The following MYOCD variants were observed in gnomAD, a reference collection of about 807,000 sequenced individuals.
MYOCD encodes the protein myocardin.
MYOCD carries 32 observed loss-of-function variants against 96.1 expected under a neutral mutation model. The observed-to-expected ratio is 0.33, with a 90% confidence interval of 0.25 to 0.45. The LOEUF is 0.45. MYOCD is among the 20% of genes least tolerant of loss of function. MYOCD has a pLI of 1.00. For synonymous variants in MYOCD, 469 were observed against 469.0 expected (o/e 1.00, Z 0.00); for missense variants, 1,133 against 1,200.6 (o/e 0.94, Z 0.83).
intron 1 of MYOCD, among the ~76,000 whole-genome samples, chr17:12,675,587 G>A (rs1370774200): frequency 6.6e-6 from 1 of 152,182 alleles, no homozygotes; most frequent in African/African-American, 2.4e-5. Context: ...GGCCAGGCAC[G>A]GTGGCTCACA....
intron 9 of MYOCD, among the ~76,000 whole-genome samples, chr17:12,749,662 C>G: frequency 6.9e-6 from 1 of 144,564 alleles, no homozygotes. Flanking sequence ...CGTATATATA[C>G]ACATATGTAT....
rs1214711317 is a variant in MYOCD, at chr17:12,767,083, G to A, written c.*3439G>A. ...GGAAAGAAGAGAGGAAAGAAAGGAG[G>A]GAAGGAAAAAAGGGCCAAACTTTCT... is the stretch of plus-strand genomic sequence containing the variant. On this transcript the variant is annotated 3_prime_UTR_variant, in exon 14 of 14. Coordinates refer to ENST00000425538, the MANE Select transcript of MYOCD (RefSeq NM_001146312.3). 11 of 150,988 alleles carry A rather than the reference G, an allele frequency of 7.3e-5. No individual in the cohort carries two copies. Among genetic ancestry groups the A allele is most frequent in the African/African-American group, 2.7e-4 (11 of 41,090 alleles). 9.4% of individuals were successfully genotyped at this position (150,988 alleles called of 1,614,324 possible). A position where few individuals can be genotyped will look rare whatever the true frequency, so the allele number is the denominator to read the frequency against.
chr17:12,685,154 C>G (rs1567571297), intron 1 of MYOCD, among the ~76,000 whole-genome samples: 1 of 151,376 alleles, frequency 6.6e-6, no homozygotes, highest in Non-Finnish European at 1.5e-5. Flanking sequence ...AAAATATTAG[C>G]CAGGCATGGT....
At chr17:12,725,965 C>A (rs1439221932) in intron 5 of MYOCD, among the ~76,000 whole-genome samples, 1 of 152,080 alleles carries the variant, frequency 6.6e-6, no homozygotes, top group Admixed American at 6.6e-5. Flanking sequence ...ATATTGCTAC[C>A]TTTCCTAATC....
At chr17:12,728,024 A>C (rs2032050831) in intron 5 of MYOCD, among the ~76,000 whole-genome samples, 1 of 152,164 alleles carries the variant, frequency 6.6e-6, no homozygotes, top group East Asian at 1.9e-4. Context: ...GAGAGCATGC[A>C]CCTCATTGCC....
At chr17:12,727,209 A>G (rs978382420) in intron 5 of MYOCD, among the ~76,000 whole-genome samples, 9 of 152,234 alleles carry the variant, frequency 5.9e-5, no homozygotes, top group African/African-American at 2.2e-4. Context: ...GGCAGAAGAT[A>G]CAGGGTGACT....
chr17:12,710,586 CG>C, intron 2 of MYOCD: 2 of 822,652 alleles, frequency 2.4e-6, no homozygotes, highest in Non-Finnish European at 2.9e-6. Context: ...GAAGAATGAC[CG>C]GGGCAATTCC....
At chr17:12,672,557 A>G (rs1013843234) in intron 1 of MYOCD, among the ~76,000 whole-genome samples, 6 of 152,252 alleles carry the variant, frequency 3.9e-5, no homozygotes, top group African/African-American at 1.4e-4. Context: ...CCAGAAATTT[A>G]GAATAAATAA....
chr17:12,734,050 G>T (rs560147552), intron 5 of MYOCD, among the ~76,000 whole-genome samples: 1 of 152,022 alleles, frequency 6.6e-6, no homozygotes, highest in African/African-American at 2.4e-5. Flanking sequence ...GGGTTTTGGG[G>T]TCATAAGAGG....
chr17:12,746,168 G>A (rs922923628), intron 9 of MYOCD, 96 bp downstream of exon 9: 13 of 1,337,748 alleles, frequency 9.7e-6, no homozygotes, highest in Middle Eastern at 3.7e-4. Context: ...GAGTAAGAGA[G>A]TGGGAGGGGA....
At position 12,668,723 on chromosome 17, in the gene MYOCD, G is replaced by A. The variant is rs191988495; in HGVS notation, c.55+2480G>A. 1.4e-4 allele frequency among the ~76,000 whole-genome samples: 22 copies of A among 152,128 alleles called. No homozygotes were observed. The East Asian group carries it at 2.1e-3, about 15-fold the overall frequency. On this transcript the variant is annotated intron_variant, in intron 1 of 13. Coordinates refer to ENST00000425538, the MANE Select transcript of MYOCD (RefSeq NM_001146312.3). ...GCTTACTAGCTACATGACCCTGAGC[G>A]TTAGGTAAATTACATAATTCTCTGT... is the stretch of plus-strand genomic sequence containing the variant.
rs59593903 is a variant in MYOCD, at chr17:12,693,625, G to GAATAAAATAAAATAAAATAA, written c.56-11462_56-11443dup. ...ACTCTGTCTCAAAAAAAATAAAATA[G>GAATAAAATAAAATAAAATAA]AATAAAATAAAATAAAATAAAATAA... On this transcript the variant is annotated intron_variant, in intron 1 of 13. Transcript: ENST00000425538. 4.4e-3 allele frequency among the ~76,000 whole-genome samples: 553 copies of GAATAAAATAAAATAAAATAA among 125,200 alleles called. 6 individuals carry two copies. The highest frequency in any genetic ancestry group is 8.1e-3 in the Middle Eastern group (2 of 246). 82.1% of individuals were successfully genotyped at this position (125,200 alleles called of 152,430 possible).
intron 5 of MYOCD, among the ~76,000 whole-genome samples, chr17:12,723,448 A>G (rs914454380): frequency 4.6e-5 from 7 of 152,156 alleles, no homozygotes; most frequent in African/African-American, 1.7e-4. Flanking sequence ...GATGGAGGTG[A>G]CAGTACTCAC....
intron 5 of MYOCD, among the ~76,000 whole-genome samples, chr17:12,725,102 G>A (rs2031957754): frequency 6.6e-6 from 1 of 151,640 alleles, no homozygotes; most frequent in Non-Finnish European, 1.5e-5. Flanking sequence ...GCTGATATAT[G>A]GGAAACCTAT....
intron 1 of MYOCD, among the ~76,000 whole-genome samples, chr17:12,674,723 A>G (rs1045562125): frequency 1.7e-4 from 26 of 152,230 alleles, no homozygotes; most frequent in African/African-American, 5.3e-4. Flanking sequence ...AAAATATGTA[A>G]TGGGTTTGTT....
chr17:12,699,366 C>G (rs1055879952), intron 1 of MYOCD, among the ~76,000 whole-genome samples: 2 of 150,776 alleles, frequency 1.3e-5, no homozygotes, highest in South Asian at 2.1e-4. Flanking sequence ...TCAAGTGATC[C>G]ACCCGCCTTG....
chr17:12,751,930 G>T (rs545521848), intron 9 of MYOCD, among the ~76,000 whole-genome samples: 8 of 152,312 alleles, frequency 5.3e-5, no homozygotes, highest in African/African-American at 1.9e-4. Flanking sequence ...CCTGCAGTCT[G>T]CTTTGTAACA....
chr17:12,689,096 C>A (rs2030312686), intron 1 of MYOCD, among the ~76,000 whole-genome samples: 1 of 152,134 alleles, frequency 6.6e-6, no homozygotes, highest in African/African-American at 2.4e-5. Context: ...TTTCCCTTAT[C>A]CTTGCTTTCT....
At chr17:12,730,096 A>G (rs999431446) in intron 5 of MYOCD, among the ~76,000 whole-genome samples, 6 of 151,928 alleles carry the variant, frequency 3.9e-5, no homozygotes, top group African/African-American at 7.3e-5. Context: ...GCAGTAAGCT[A>G]TGATCAAACC....
Sources: allele counts gnomAD v4.1 joint callset (sites outside exome capture counted in the v4.1 genomes callset), GRCh38; gene constraint gnomAD v4.1.1; transcripts MANE v1.5; gene names NCBI Gene and HGNC (gene_info 2026-07-23, HGNC 2026-07-21).